The following HMCN1 variants were observed in gnomAD, a reference collection of about 807,000 sequenced individuals.
HMCN1 encodes hemicentin-1.
Under a neutral mutation model 625.9 loss-of-function variants are expected in HMCN1, and 321 were observed. The ratio of observed to expected loss-of-function variants is 0.51; its 90% CI spans 0.47 to 0.56. The LOEUF is 0.56. Among genes scored for constraint, HMCN1 ranks in the 20% least tolerant of loss-of-function variants. The pLI is 0.00. For missense variants in HMCN1, 6,588 were observed against 6,887.3 expected, an observed-to-expected ratio of 0.96 and a Z score of 1.54; for synonymous variants, 2,425 against 2,417.6, an observed-to-expected ratio of 1.00 and a Z score of -0.09.
At chr1:186,108,035 T>TAAAAAA (rs559777006) in intron 70 of HMCN1, among the ~76,000 whole-genome samples, 1 of 98,310 alleles carries the variant, frequency 1.0e-5, no homozygotes, top group African/African-American at 4.0e-5. Context: ...GTAAATTCTG[T>TAAAAAA]AAAAAAAAAA....
Position 185,925,170 on chromosome 1 carries a change from T to A in HMCN1, c.1409T>A (p.Leu470His). Residue 470 changes from leucine to histidine, a missense_variant, in exon 9 of 107, where the codon CTT becomes CAT. This residue lies in a region of HMCN1 where 4,628 missense variants were observed against 4,853.1 expected (regional missense o/e 0.95). Coordinates refer to ENST00000271588, the MANE Select transcript of HMCN1 (RefSeq NM_031935.3). ...AGCTTTGTCAGAAATGGAGTTACAC[T>A]TGGAGTAGACCAGTATTTGAAGTAG... ...TLSFVRNGVT[L>H]GVDQYLKESA... 1 of 1,613,928 alleles carries A rather than the reference T, an allele frequency of 6.2e-7. No individual in the cohort carries two copies. Among genetic ancestry groups the A allele is most frequent in the Non-Finnish European group, 8.5e-7 (1 of 1,179,786 alleles).
chr1:186,114,646 T>C (rs894955490), intron 73 of HMCN1, among the ~76,000 whole-genome samples, 173 bp from the exon 74 acceptor site: 1 of 152,224 alleles, frequency 6.6e-6, no homozygotes, highest in African/African-American at 2.4e-5. Context: ...CCATCTGTTA[T>C]GCACCTTTGC....
chr1:185,787,383 G>A (rs533687058), intron 1 of HMCN1, among the ~76,000 whole-genome samples: 12 of 152,238 alleles, frequency 7.9e-5, no homozygotes, highest in Non-Finnish European at 1.5e-4. Flanking sequence ...ATCAGCAGGC[G>A]CATGCCATAC....
intron 102 of HMCN1, 151 bp downstream of exon 102, chr1:186,172,282 A>C: frequency 9.3e-7 from 1 of 1,079,884 alleles, no homozygotes; most frequent in Non-Finnish European, 1.4e-6. Context: ...AGGATAATTG[A>C]GCTCCAGGTC....
At chr1:185,846,133 G>A (rs780614798) in intron 2 of HMCN1, 37 bp downstream of exon 2, 1 of 1,423,116 alleles carries the variant, frequency 7.0e-7, no homozygotes, top group South Asian at 1.1e-5. Flanking sequence ...TGGGGGAATG[G>A]AAAATCATGA....
At chr1:185,796,014 T>C (rs1331246437) in intron 1 of HMCN1, among the ~76,000 whole-genome samples, 6 of 152,228 alleles carry the variant, frequency 3.9e-5, no homozygotes, top group Admixed American at 2.0e-4. Context: ...ATATCTTATG[T>C]AGTGATAAAG....
intron 6 of HMCN1, among the ~76,000 whole-genome samples, chr1:185,913,500 A>G (rs1482432369): frequency 6.6e-6 from 1 of 152,174 alleles, no homozygotes; most frequent in Non-Finnish European, 1.5e-5. Context: ...TAATTTAAGC[A>G]TGACTTAGCC....
At chr1:186,166,060 C>G (rs920062815) in intron 98 of HMCN1, 124 bp from the exon 99 acceptor site, 10 of 1,007,628 alleles carry the variant, frequency 9.9e-6, no homozygotes, top group South Asian at 1.4e-5. Context: ...GCACTTAAAG[C>G]ATTTTCTATT....
intron 23 of HMCN1, 130 bp downstream of exon 23, chr1:185,993,439 C>CACAAGTCTCAGATT: frequency 1.0e-6 from 1 of 958,404 alleles, no homozygotes; most frequent in Non-Finnish European, 1.6e-6. Flanking sequence ...TCTCTAAAAT[C>CACAAGTCTCAGATT]TGAGACTTGT....
intron 1 of HMCN1, among the ~76,000 whole-genome samples, chr1:185,781,591 T>C (rs1205207005): frequency 1.3e-5 from 2 of 152,246 alleles, no homozygotes; most frequent in African/African-American, 4.8e-5. Context: ...ATTTCTGCCT[T>C]CATTTCGTTA....
chr1:185,800,652 C>G (rs60458315), intron 1 of HMCN1, among the ~76,000 whole-genome samples: 13,865 of 152,032 alleles, frequency 0.091, 2,041 homozygotes, highest in African/African-American at 0.31. Context: ...TGTTTAACTT[C>G]GTTTGCAAGT....
At chr1:186,076,779 G>A (rs1210235537) in intron 54 of HMCN1, among the ~76,000 whole-genome samples, 157 bp downstream of exon 54, 1 of 152,184 alleles carries the variant, frequency 6.6e-6, no homozygotes, top group African/African-American at 2.4e-5. Context: ...CTTCAATCTA[G>A]AAGAGTCTTG....
chr1:185,744,244 T>C (rs969629253), intron 1 of HMCN1, among the ~76,000 whole-genome samples: 3 of 152,074 alleles, frequency 2.0e-5, no homozygotes, highest in Non-Finnish European at 4.4e-5. Context: ...TCCACCCACG[T>C]TGGCCTCCCA....
At chr1:185,794,890 T>C (rs776492505) in intron 1 of HMCN1, among the ~76,000 whole-genome samples, 2 of 152,240 alleles carry the variant, frequency 1.3e-5, no homozygotes, top group Non-Finnish European at 2.9e-5. Flanking sequence ...AGTGCCACTA[T>C]ATTTATATAT....
At position 186,053,211 on chromosome 1, in the gene HMCN1, A is replaced by T. The variant is rs79633771; in HGVS notation, c.6700+137A>T. 296 of 762,496 alleles carry T rather than the reference A, an allele frequency of 3.9e-4. 1 individual carries two copies. The East Asian group carries it at 6.6e-3, about 17-fold the overall frequency. The allele number at this position is 762,496 out of a possible 1,614,324, so 47.2% of individuals were successfully genotyped here. A position where few individuals can be genotyped will look rare whatever the true frequency, so the allele number is the denominator to read the frequency against. On this transcript the variant is annotated intron_variant, in intron 43 of 106. Coordinates refer to ENST00000271588, the MANE Select transcript of HMCN1 (RefSeq NM_031935.3). Reference sequence around the variant, plus strand: ...AAATGCTAGACAGCAAAATTGCTTTATATTAAATGTGCAACATGTGATACT... The same window carrying T: ...AAATGCTAGACAGCAAAATTGCTTTTTATTAAATGTGCAACATGTGATACT...
At position 186,124,723 on chromosome 1, in the gene HMCN1, A is replaced by T. The variant is rs12239525; in HGVS notation, c.12500-881A>T. On this transcript the variant is annotated intron_variant, in intron 81 of 106. Transcript: ENST00000271588. ...GTAGCTAATTAAAGTTTATATAGCAATTTTATTTTTGCTAAGGCCAACTGT... is the reference window on the plus strand; with the variant it reads ...GTAGCTAATTAAAGTTTATATAGCATTTTTATTTTTGCTAAGGCCAACTGT... 5.7e-3 allele frequency among the ~76,000 whole-genome samples: 862 copies of T among 152,186 alleles called. 6 individuals carry two copies. The highest frequency in any genetic ancestry group is 0.019 in the African/African-American group (786 of 41,568).
rs766520986 is a variant in HMCN1 at position 186,145,396 on chromosome 1, C to T, written c.14267-7C>T. On this transcript the variant is annotated splice_polypyrimidine_tract_variant and splice_region_variant and intron_variant, in intron 91 of 106. Transcript: ENST00000271588. ...CTGTTTTCATCTCAGATTATTCTGT[C>T]TTGTAGCCCATGGTAACTGGAGTCC... is the stretch of plus-strand genomic sequence containing the variant. 2 of 1,565,666 alleles carry T rather than the reference C, an allele frequency of 1.3e-6. No individual in the cohort carries two copies. Among genetic ancestry groups the T allele is most frequent in the East Asian group, 4.5e-5 (2 of 44,464 alleles).
intron 8 of HMCN1, among the ~76,000 whole-genome samples, chr1:185,924,355 C>T (rs1487607001): frequency 6.6e-6 from 1 of 151,258 alleles, no homozygotes; most frequent in Non-Finnish European, 1.5e-5. Flanking sequence ...CTCAGCCTCC[C>T]GAGTAGCTGG....
Position 186,144,314 on chromosome 1 carries a change from T to A in HMCN1, c.14066T>A (p.Met4689Lys), listed in dbSNP as rs771038172. The A allele has an allele frequency of 5.6e-6, 9 of 1,613,866 alleles. No individual in the cohort carries two copies. The highest frequency in any genetic ancestry group is 5.9e-6 in the Non-Finnish European group (7 of 1,179,982). Reference protein sequence around the residue: ...GSYCDGAETQMQVCNERNCPI... With the variant: ...GSYCDGAETQKQVCNERNCPI... ...TACTGTGATGGAGCAGAAACACAGATGCAAGTTTGCAATGAAAGAAATTGT... is the reference window on the plus strand; with the variant it reads ...TACTGTGATGGAGCAGAAACACAGAAGCAAGTTTGCAATGAAAGAAATTGT... The change falls in exon 90 of 107, where the codon ATG becomes AAG. Residue 4689 changes from methionine (M) to lysine (K), a missense_variant. Physicochemically the swap from Met to Lys is moderately conservative, Grantham distance 95. This residue lies in a region of HMCN1 where 1,954 missense variants were observed against 2,013.1 expected (regional missense o/e 0.97). Transcript: ENST00000271588.
Sources: allele counts gnomAD v4.1 joint callset (sites outside exome capture counted in the v4.1 genomes callset), GRCh38; gene constraint gnomAD v4.1.1; regional missense constraint gnomAD v4.1.1; transcripts MANE v1.5; gene names NCBI Gene and HGNC (gene_info 2026-07-23, HGNC 2026-07-21).